ATRN: variants seen among roughly 807,000 people sequenced by gnomAD.
The protein encoded by ATRN is attractin.
Under a neutral mutation model 178.7 loss-of-function variants are expected in ATRN, and 54 were observed. The observed-to-expected ratio is 0.30, with a 90% CI of 0.24 to 0.38. The LOEUF (loss-of-function observed/expected upper bound fraction) is 0.38. ATRN is among the 10% of genes least tolerant of loss of function. ATRN has a pLI of 1.00. For synonymous variants in ATRN, 636 were observed against 663.0 expected, an observed-to-expected ratio of 0.96 and a Z score of 0.63; for missense variants, 1,443 against 1,815.1, an observed-to-expected ratio of 0.79 and a Z score of 3.73.
In ATRN at chr20:3,630,916, C is replaced by CTTTTTTT. The variant is rs368394749; in HGVS notation, c.3864-3353_3864-3347dup. Among the ~76,000 whole-genome samples the CTTTTTTT allele has an allele frequency of 6.4e-4, 28 of 43,454 alleles. 7 individuals carry two copies. The highest frequency in any genetic ancestry group is 9.3e-4 in the Non-Finnish European group (22 of 23,616). 28.5% of individuals were successfully genotyped at this position (43,454 alleles called of 152,430 possible). On this transcript the variant is annotated intron_variant, in intron 25 of 28. Coordinates refer to ENST00000262919, the MANE Select transcript of ATRN (RefSeq NM_139321.3). ...ACCATGTCTAAAAGAATTTATTTAG[C>CTTTTTTT]TTTTTTTTTTTTTTTTTTTTTTTTT...
At chr20:3,529,380 C>T (rs548775323) in intron 1 of ATRN, among the ~76,000 whole-genome samples, 31 of 152,308 alleles carry the variant, frequency 2.0e-4, no homozygotes, top group South Asian at 1.2e-3. Context: ...TACCTGTCCA[C>T]AGAAAGATTT....
At chr20:3,578,204 G>A (rs1485818522) in intron 14 of ATRN, among the ~76,000 whole-genome samples, 1 of 152,082 alleles carries the variant, frequency 6.6e-6, no homozygotes, top group African/African-American at 2.4e-5. Context: ...TTCCATTCTT[G>A]CAGTTTTTAC....
At chr20:3,574,090 A>G (rs1568738907) in intron 12 of ATRN, among the ~76,000 whole-genome samples, 1 of 152,246 alleles carries the variant, frequency 6.6e-6, no homozygotes, top group African/African-American at 2.4e-5. Context: ...AATTTAAAGT[A>G]TGTTGGCTGA....
rs987068645 is a variant in ATRN at position 3,650,675 on chromosome 20, C to T, written c.*3828C>T. 2.6e-5 allele frequency: 4 copies of T among 152,492 alleles called. No individual in the cohort carries two copies. The highest frequency in any genetic ancestry group is 4.8e-5 in the African/African-American group (2 of 41,424). 9.4% of individuals were successfully genotyped at this position (152,492 alleles called of 1,614,324 possible). A position where few individuals can be genotyped will look rare whatever the true frequency, so the allele number is the denominator to read the frequency against. On this transcript the variant is annotated 3_prime_UTR_variant, in exon 29 of 29. Coordinates refer to ENST00000262919, the MANE Select transcript of ATRN (RefSeq NM_139321.3). ...TTTGAAATGGAGAGGAAAATTGGCACCTCATCTTTTAAAGGCAGTAATGGA... is the reference window on the plus strand; with the variant it reads ...TTTGAAATGGAGAGGAAAATTGGCATCTCATCTTTTAAAGGCAGTAATGGA...
chr20:3,471,655 A>C, intron 1 of ATRN, 138 bp downstream of exon 1: 1 of 1,161,216 alleles, frequency 8.6e-7, no homozygotes. Flanking sequence ...TTTGAGGGCC[A>C]TTTGCTTCCG....
intron 6 of ATRN, among the ~76,000 whole-genome samples, chr20:3,551,465 G>A (rs186934392): frequency 2.6e-5 from 4 of 152,108 alleles, no homozygotes; most frequent in Admixed American, 1.3e-4. Context: ...TACCTTGCTT[G>A]TCTCACTTCC....
intron 25 of ATRN, among the ~76,000 whole-genome samples, chr20:3,625,145 A>ACC (rs929053443): frequency 5.9e-5 from 9 of 151,974 alleles, no homozygotes; most frequent in African/African-American, 2.2e-4. Context: ...CGCCTTCCCC[A>ACC]CCCCACGTCC....
intron 14 of ATRN, among the ~76,000 whole-genome samples, chr20:3,578,369 T>G (rs2086239178): frequency 6.6e-6 from 1 of 152,232 alleles, no homozygotes; most frequent in African/African-American, 2.4e-5. Flanking sequence ...AATATGCTTT[T>G]TAGGATCCGG....
Position 3,647,037 on chromosome 20 carries a change from A to C in ATRN, c.*190A>C. The stretch of plus-strand genomic sequence containing the variant: ...TTCTCCCATCCGTGTTCCAGCATCT[A>C]ACCTTTTACTTTTGCATAGGAAATA... On this transcript the variant is annotated 3_prime_UTR_variant, in exon 29 of 29. Transcript: ENST00000262919. The C allele has an allele frequency of 1.4e-6, 1 of 723,610 alleles. No individual in the cohort carries two copies. Among genetic ancestry groups the C allele is most frequent in the Non-Finnish European group, 2.1e-6 (1 of 476,578 alleles). The allele number at this position is 723,610 out of a possible 1,614,324, so 44.8% of individuals were successfully genotyped here.
Position 3,584,067 on chromosome 20 carries a change from G to A in ATRN, c.2934G>A (p.Thr978=), listed in dbSNP as rs768859105. Residue 978 remains threonine, a synonymous_variant, in exon 17 of 29, where the codon ACG becomes ACA. Coordinates refer to ENST00000262919, the MANE Select transcript of ATRN (RefSeq NM_139321.3). Reference sequence around the variant, plus strand: ...TTGGCCAGTGTATGGAATGGTATACGATGAGCACCTGCCCCCGTAAGTGAA... The same window carrying A: ...TTGGCCAGTGTATGGAATGGTATACAATGAGCACCTGCCCCCGTAAGTGAA... The part of the protein sequence containing the change: ...FPFGQCMEWY[T]MSTCPPENCS... 6 of 1,613,952 alleles carry A rather than the reference G, an allele frequency of 3.7e-6. No individual in the cohort carries two copies. Among genetic ancestry groups the A allele is most frequent in the South Asian group, 3.3e-5 (3 of 91,060 alleles).
intron 1 of ATRN, among the ~76,000 whole-genome samples, chr20:3,530,668 C>T (rs151529): frequency 0.27 from 40,572 of 151,690 alleles, 5,981 homozygotes; most frequent in African/African-American, 0.33. Flanking sequence ...TAATCTTAAT[C>T]ATATGTGTAT....
chr20:3,497,504 G>C (rs1240003204), intron 1 of ATRN, among the ~76,000 whole-genome samples: 4 of 152,074 alleles, frequency 2.6e-5, no homozygotes, highest in African/African-American at 7.2e-5. Context: ...CTCTCTTCTG[G>C]CTTGTAGAGT....
rs1315777529 is a variant in ATRN, at chr20:3,651,080, A to G, written c.*4233A>G. The G allele has an allele frequency of 6.5e-6, 1 of 152,684 alleles. No homozygotes were observed. The highest frequency in any genetic ancestry group is 1.9e-4 in the East Asian group (1 of 5,206). The allele number at this position is 152,684 out of a possible 1,614,324, so 9.5% of individuals were successfully genotyped here. A position where few individuals can be genotyped will look rare whatever the true frequency, so the allele number is the denominator to read the frequency against. ...TATAAACAAAAGTAAATACTATAAT[A>G]CAAACTTCCTTCTGAAATAAAAGTA... On this transcript the variant is annotated 3_prime_UTR_variant, in exon 29 of 29. Coordinates refer to ENST00000262919, the MANE Select transcript of ATRN (RefSeq NM_139321.3).
In ATRN at chr20:3,645,453, A is replaced by G. The variant is rs2087100412; in HGVS notation, c.4165+1185A>G. Among the ~76,000 whole-genome samples, 1 of 152,194 alleles carries G rather than the reference A, an allele frequency of 6.6e-6. No homozygotes were observed. Among genetic ancestry groups the G allele is most frequent in the African/African-American group, 2.4e-5 (1 of 41,440 alleles). On this transcript the variant is annotated intron_variant, in intron 28 of 28. Transcript: ENST00000262919. This position sits in a 1 kb window ranked among gnomAD's most constrained non-coding sequence, Gnocchi z 4.7. ...ACTCTCTCGTCTGTCACTCAAGTGC[A>G]GTTTGTGTCTCCTGCCACCGCCCAG...
intron 1 of ATRN, among the ~76,000 whole-genome samples, chr20:3,507,334 G>A (rs559159405): frequency 1.3e-5 from 2 of 151,564 alleles, no homozygotes; most frequent in South Asian, 2.1e-4. Context: ...GTTTAAACCC[G>A]GGAGGCGGAG....
intron 24 of ATRN, among the ~76,000 whole-genome samples, chr20:3,614,946 A>G (rs2086821912): frequency 1.3e-5 from 2 of 152,150 alleles, no homozygotes; most frequent in Non-Finnish European, 2.9e-5. Context: ...TTCAGTACTT[A>G]TTCCTTGTCA....
At chr20:3,590,022 T>C (rs753744596) in intron 18 of ATRN, among the ~76,000 whole-genome samples, 2 of 152,216 alleles carry the variant, frequency 1.3e-5, no homozygotes, top group African/African-American at 2.4e-5. Flanking sequence ...CTTTCTTGGC[T>C]CACTGCAACC....
chr20:3,554,798 T>G (rs1329368414), intron 6 of ATRN, among the ~76,000 whole-genome samples: 1 of 152,110 alleles, frequency 6.6e-6, no homozygotes, highest in African/African-American at 2.4e-5. Context: ...TAAGTGGTCT[T>G]GGTCCCCTGG....
intron 1 of ATRN, among the ~76,000 whole-genome samples, chr20:3,533,841 G>C (rs2085487383): frequency 1.3e-5 from 2 of 151,918 alleles, no homozygotes. Context: ...TTTAAAAATA[G>C]ATATGAGGGT....
Sources: allele counts gnomAD v4.1 joint callset (sites outside exome capture counted in the v4.1 genomes callset), GRCh38; gene constraint gnomAD v4.1.1; non-coding constraint Gnocchi (gnomAD v3.1); transcripts MANE v1.5; gene names NCBI Gene and HGNC (gene_info 2026-07-23, HGNC 2026-07-21).